XCR1: variants seen among roughly 807,000 people sequenced by gnomAD.
XCR1 encodes the protein X-C motif chemokine receptor 1.
For missense variants in XCR1, 356 were observed against 424.2 expected, an observed-to-expected ratio of 0.84 and a Z score of 1.41; for synonymous variants, 187 against 188.5, an observed-to-expected ratio of 0.99 and a Z score of 0.06.
intron 4 of XCR1, among the ~76,000 whole-genome samples, chr3:46,063,617 G>A (rs1698007761): frequency 6.6e-6 from 1 of 152,048 alleles, no homozygotes; most frequent in African/African-American, 2.4e-5. Flanking sequence ...ACACCCAAGG[G>A]CAGAGCCTCG....
chr3:46,054,722 C>A (rs993804696), intron 4 of XCR1, among the ~76,000 whole-genome samples: 2 of 152,046 alleles, frequency 1.3e-5, no homozygotes, highest in Non-Finnish European at 2.9e-5. Context: ...ATCCATCTCC[C>A]TGACCAACTA....
chr3:46,051,322 A>G (rs1309333173), intron 5 of XCR1, among the ~76,000 whole-genome samples: 1 of 152,204 alleles, frequency 6.6e-6, no homozygotes, highest in Non-Finnish European at 1.5e-5. Context: ...CCATAAATTG[A>G]TAGCTATATT....
At chr3:46,040,366 A>C (rs547514587) in intron 5 of XCR1, among the ~76,000 whole-genome samples, 8 of 152,304 alleles carry the variant, frequency 5.3e-5, no homozygotes, top group Admixed American at 2.6e-4. Context: ...TTCCAAATTC[A>C]GTCTTTTTGA....
Position 46,048,791 on chromosome 3 carries a change from A to G in XCR1, c.-32+5129T>C, listed in dbSNP as rs149505917. 6.6e-5 allele frequency among the ~76,000 whole-genome samples: 10 copies of G among 152,330 alleles called. No homozygotes were observed. The East Asian group carries it at 1.9e-3, about 29-fold the overall frequency. On this transcript the variant is annotated intron_variant, in intron 5 of 5. Coordinates refer to the XCR1 transcript ENST00000683768. ...AGTCTTACCATCCATACCAGGAGTC[A>G]AAAAATTTAAAGTAAATAAGGCTAA...
At chr3:46,023,975 G>C in intron 1 of XCR1, 1 of 1,451,252 alleles carries the variant, frequency 6.9e-7, no homozygotes, top group Non-Finnish European at 9.6e-7. Context: ...TCAGAATTAC[G>C]GAGCTTGCCG....
At chr3:46,066,219 T>TCC (rs1270016520) in intron 4 of XCR1, among the ~76,000 whole-genome samples, 1 of 136,056 alleles carries the variant, frequency 7.3e-6, no homozygotes, top group African/African-American at 2.9e-5. Flanking sequence ...CCTCCCTCCC[T>TCC]CGCTCTCTCT....
intron 5 of XCR1, among the ~76,000 whole-genome samples, chr3:46,052,039 C>CAAAAAAAA (rs771023267): frequency 1.0e-5 from 1 of 98,108 alleles, no homozygotes; most frequent in Non-Finnish European, 2.0e-5. Context: ...AAAACAAAAA[C>CAAAAAAAA]AAAAAAAAAA....
At chr3:46,065,374 C>T (rs1480049332) in intron 4 of XCR1, among the ~76,000 whole-genome samples, 2 of 152,188 alleles carry the variant, frequency 1.3e-5, no homozygotes, top group Non-Finnish European at 1.5e-5. Context: ...AGCAACTTAA[C>T]TTTGATGTGG....
intron 5 of XCR1, among the ~76,000 whole-genome samples, chr3:46,046,222 A>G (rs1697624464): frequency 6.6e-6 from 1 of 152,194 alleles, no homozygotes; most frequent in Non-Finnish European, 1.5e-5. Flanking sequence ...CAAAGATGAA[A>G]GAGTATATTT....
At chr3:46,030,153 C>T (rs1708370702), upstream of XCR1, among the ~76,000 whole-genome samples, 5 of 151,944 alleles carry the variant, frequency 3.3e-5, no homozygotes, top group South Asian at 1.0e-3. Flanking sequence ...AATCTGGGTA[C>T]TTTTCCCCCC....
At chr3:46,045,363 CGCGCCAGAGTGAG>C (rs1348336307) in intron 5 of XCR1, among the ~76,000 whole-genome samples, 2 of 151,496 alleles carry the variant, frequency 1.3e-5, no homozygotes, top group Non-Finnish European at 2.9e-5. Flanking sequence ...GAGCCGAGAT[CGCGCCAGAGTGAG>C]ACTCCATCTT....
chr3:46,082,381 A>G (rs1698384121), intron 1 of XCR1, among the ~76,000 whole-genome samples: 4 of 150,724 alleles, frequency 2.7e-5, no homozygotes, highest in Admixed American at 6.6e-5. Flanking sequence ...CATCATATAT[A>G]TATTTATATG....
chr3:46,070,560 G>A (rs893584761), intron 3 of XCR1, among the ~76,000 whole-genome samples: 1 of 151,748 alleles, frequency 6.6e-6, no homozygotes, highest in Non-Finnish European at 1.5e-5. Flanking sequence ...TTTTTAAGGT[G>A]TGTTTTATCT....
chr3:46,027,796 C>G (rs1401709415), upstream of XCR1: 2 of 152,270 alleles, frequency 1.3e-5, no homozygotes, highest in Non-Finnish European at 2.9e-5. Context: ...GCCTTTGTCT[C>G]ATTTCACATG....
At chr3:46,046,462 T>A (rs1245862014) in intron 5 of XCR1, among the ~76,000 whole-genome samples, 6 of 152,252 alleles carry the variant, frequency 3.9e-5, no homozygotes, top group Non-Finnish European at 8.8e-5. Flanking sequence ...CATCTGGCAG[T>A]GAGAGCAGTC....
chr3:46,042,564 G>A (rs759003646), intron 5 of XCR1, among the ~76,000 whole-genome samples: 1 of 152,114 alleles, frequency 6.6e-6, no homozygotes, highest in Non-Finnish European at 1.5e-5. Flanking sequence ...CCAACAAATT[G>A]GGTAACTGAT....
upstream of XCR1, chr3:46,027,722 A>G (rs1423627291): frequency 2.6e-5 from 4 of 152,090 alleles, no homozygotes; most frequent in Non-Finnish European, 4.4e-5. Flanking sequence ...AGAAACGCCT[A>G]CTCCATGAAT....
intron 4 of XCR1, among the ~76,000 whole-genome samples, chr3:46,066,085 GT>G (rs1698064464): frequency 6.6e-6 from 1 of 152,152 alleles, no homozygotes; most frequent in Non-Finnish European, 1.5e-5. Flanking sequence ...GGGAGCGAGG[GT>G]AGTAAGCACA....
At chr3:46,083,475 C>G (rs951367513) in intron 1 of XCR1, among the ~76,000 whole-genome samples, 7 of 152,226 alleles carry the variant, frequency 4.6e-5, no homozygotes, top group Non-Finnish European at 1.0e-4. Flanking sequence ...TGCAGATCTA[C>G]CTTAGATGGA....
Sources: allele counts gnomAD v4.1 joint callset (sites outside exome capture counted in the v4.1 genomes callset), GRCh38; gene constraint gnomAD v4.1.1; transcripts MANE v1.5; gene names NCBI Gene and HGNC (gene_info 2026-07-23, HGNC 2026-07-21).